Variants in TMC5 observed in about 807,000 individuals in gnomAD.
The protein encoded by TMC5 is transmembrane channel like 5.
TMC5 carries 86 observed loss-of-function variants against 110.5 expected under a neutral mutation model. That is an observed-to-expected ratio of 0.78 (90% CI 0.65 to 0.93). The LOEUF (loss-of-function observed/expected upper bound fraction) is 0.93. Ranked by LOEUF, TMC5 falls within the 40% of genes least tolerant of loss-of-function variation. TMC5 has a pLI of 0.00. For synonymous variants in TMC5, 455 were observed against 439.5 expected (o/e 1.04, Z -0.44); for missense variants, 1,144 against 1,222.8 (o/e 0.94, Z 0.96).
rs922830633 is a variant in TMC5, at chr16:19,498,593, A to G, written c.*627A>G. On this transcript the variant is annotated 3_prime_UTR_variant, in exon 22 of 22. Transcript: ENST00000542583. ...TGTGAGGTGTTATACATGACCATCA[A>G]AGTCCTACGTCAAGCTAGCTTTGCA... 8.0e-6 allele frequency: 1 copy of G among 124,770 alleles called. No individual in the cohort carries two copies. Among genetic ancestry groups the G allele is most frequent in the African/African-American group, 3.2e-5 (1 of 31,210 alleles). 7.7% of individuals were successfully genotyped at this position (124,770 alleles called of 1,614,324 possible).
At chr16:19,482,849 C>CTTATTTAT (rs535102307) in intron 15 of TMC5, among the ~76,000 whole-genome samples, 2 of 151,716 alleles carry the variant, frequency 1.3e-5, no homozygotes, top group African/African-American at 2.4e-5. Flanking sequence ...GCTGTGTTTC[C>CTTATTTAT]TTATTTATTT....
chr16:19,483,799 G>T (rs999000517), intron 15 of TMC5, among the ~76,000 whole-genome samples: 7 of 145,364 alleles, frequency 4.8e-5, no homozygotes, highest in Admixed American at 4.8e-4. Flanking sequence ...GAAAAGAAAA[G>T]AAAAGGCCAG....
chr16:19,497,078 A>G (rs373598224), intron 20 of TMC5, 43 bp from the exon 21 acceptor site: 218 of 1,611,316 alleles, frequency 1.4e-4, no homozygotes, highest in Non-Finnish European at 1.8e-4. Flanking sequence ...CAGAATCTGC[A>G]TTCTTCCTCC....
intron 15 of TMC5, among the ~76,000 whole-genome samples, chr16:19,484,490 G>T (rs1021243140): frequency 2.6e-5 from 4 of 152,148 alleles, no homozygotes; most frequent in African/African-American, 9.6e-5. Context: ...AAATAGGCAT[G>T]GTGGCTCACG....
At chr16:19,422,423 C>T (rs534952277) in intron 1 of TMC5, among the ~76,000 whole-genome samples, 2 of 152,248 alleles carry the variant, frequency 1.3e-5, no homozygotes, top group Admixed American at 6.5e-5. Context: ...CAGGTGTCTC[C>T]GTTTACTTAG....
chr16:19,478,406 A>G (rs2143680983), intron 13 of TMC5, among the ~76,000 whole-genome samples: 1 of 152,232 alleles, frequency 6.6e-6, no homozygotes, highest in East Asian at 1.9e-4. Context: ...ATTCAAAATC[A>G]GCCCTCCAAG....
chr16:19,416,859 C>CG (rs1161963957), upstream of TMC5, among the ~76,000 whole-genome samples: 2 of 152,000 alleles, frequency 1.3e-5, no homozygotes, highest in African/African-American at 4.8e-5. Context: ...TTTGGCAGGC[C>CG]GAGACAGGTG....
rs188189344 is a variant in TMC5 at position 19,471,918 on chromosome 16, G to C, written c.1783-170G>C. The stretch of plus-strand genomic sequence containing the variant: ...TGGGATTACAGGCATGCACCACCAC[G>C]CCCGGCTAATTTTTGTATTTTTGGT... On this transcript the variant is annotated intron_variant, in intron 10 of 21. Transcript: ENST00000542583. Among the ~76,000 whole-genome samples, 3 of 152,136 alleles carry C rather than the reference G, an allele frequency of 2.0e-5. No individual in the cohort carries two copies. In the East Asian group the frequency reaches 5.8e-4, roughly 29 times the overall value.
chr16:19,494,207 A>G, intron 19 of TMC5, 55 bp from the exon 20 acceptor site: 1 of 1,397,698 alleles, frequency 7.2e-7, no homozygotes, highest in South Asian at 1.2e-5. Flanking sequence ...TCAATTCCAT[A>G]CCATCATTCA....
At chr16:19,495,788 A>G (rs1475056577) in intron 20 of TMC5, among the ~76,000 whole-genome samples, 1 of 151,872 alleles carries the variant, frequency 6.6e-6, no homozygotes, top group Non-Finnish European at 1.5e-5. Flanking sequence ...ACAGTGAGCT[A>G]TGATCCCATC....
intron 1 of TMC5, among the ~76,000 whole-genome samples, chr16:19,424,708 G>T (rs890328829): frequency 4.6e-5 from 7 of 152,152 alleles, no homozygotes; most frequent in Non-Finnish European, 2.9e-5. Flanking sequence ...AGTACACAGG[G>T]TAAGTTCCAG....
intron 1 of TMC5, among the ~76,000 whole-genome samples, chr16:19,412,467 G>A (rs1045288460): frequency 1.4e-4 from 21 of 151,996 alleles, no homozygotes; most frequent in Non-Finnish European, 2.5e-4. Context: ...CCAGGTTCAA[G>A]CAATTCTCCT....
At position 19,444,226 on chromosome 16, in the gene TMC5, C is replaced by A. The variant is rs1459463066; in HGVS notation, c.934C>A (p.Pro312Thr). 6.2e-7 allele frequency: 1 copy of A among 1,613,850 alleles called. No homozygotes were observed. Among genetic ancestry groups the A allele is most frequent in the Admixed American group, 1.7e-5 (1 of 60,018 alleles). ...GGCAAACTCATATGGCCACTCTCTG[C>A]CAGGTGCTCCTGGAAGTGGCTATGG... ...EMANSYGHSLPGAPGSGYVNP... is the reference protein window; with the variant it reads ...EMANSYGHSLTGAPGSGYVNP... The change falls in exon 4 of 22, where the codon CCA (proline) becomes ACA (threonine). Residue 312 changes from proline to threonine, a missense_variant. By Grantham distance (38) the Pro-to-Thr change is conservative. Coordinates refer to ENST00000542583, the MANE Select transcript of TMC5 (RefSeq NM_001261841.2).
intron 4 of TMC5, among the ~76,000 whole-genome samples, chr16:19,449,055 G>T (rs1967689209): frequency 6.6e-6 from 1 of 151,636 alleles, no homozygotes; most frequent in African/African-American, 2.4e-5. Flanking sequence ...TAGGGACGGG[G>T]TTAGCCAGGA....
At chr16:19,419,108 T>G (rs1193492431) in intron 1 of TMC5, among the ~76,000 whole-genome samples, 1 of 152,178 alleles carries the variant, frequency 6.6e-6, no homozygotes, top group Non-Finnish European at 1.5e-5. Flanking sequence ...CCATTCTGCC[T>G]CTGTTTAGCT....
intron 17 of TMC5, among the ~76,000 whole-genome samples, chr16:19,487,662 A>T (rs746916873): frequency 6.6e-6 from 1 of 151,898 alleles, no homozygotes; most frequent in Non-Finnish European, 1.5e-5. Flanking sequence ...AGATTGCACC[A>T]TTGCGCTCCA....
intron 10 of TMC5, 73 bp downstream of exon 10, chr16:19,469,898 CTTTTTTT>C (rs10570246): frequency 4.1e-6 from 5 of 1,212,952 alleles, no homozygotes; most frequent in Middle Eastern, 2.3e-4. Flanking sequence ...TGTAACTTTT[CTTTTTTT>C]TTTTTTTGAA....
intron 1 of TMC5, among the ~76,000 whole-genome samples, chr16:19,420,443 A>T (rs1364640456): frequency 6.6e-6 from 1 of 151,658 alleles, no homozygotes; most frequent in African/African-American, 2.4e-5. Context: ...AAAAATAAAA[A>T]AAATTAAAAA....
intron 6 of TMC5, chr16:19,462,393 C>T: frequency 1.7e-6 from 1 of 598,598 alleles, no homozygotes; most frequent in Non-Finnish European, 3.0e-6. Context: ...GCAAAATCCC[C>T]CTAGGTTGAG....
Sources: gnomAD v4.1 joint callset for allele counts (sites outside exome capture counted in the v4.1 genomes callset) on GRCh38, gnomAD v4.1.1 for gene constraint, MANE v1.5 for transcripts, NCBI Gene and HGNC (gene_info 2026-07-23, HGNC 2026-07-21) for gene names.